The following MLLT10 variants were observed in gnomAD, a reference collection of about 807,000 sequenced individuals.
MLLT10 encodes MLLT10 histone lysine methyltransferase DOT1L cofactor.
A neutral mutation model predicts 129.1 loss-of-function variants in MLLT10; 30 were observed. That is an observed-to-expected ratio of 0.23 (90% confidence interval 0.17 to 0.32). MLLT10 has a LOEUF of 0.32. Among genes scored for constraint, MLLT10 ranks in the 10% least tolerant of loss-of-function variants. The probability of loss-of-function intolerance (pLI) is 1.00; values close to 1 mark genes in which losing one functional copy is unlikely to be tolerated. For synonymous variants in MLLT10, 490 were observed against 446.4 expected (o/e 1.10, Z -1.23); for missense variants, 1,119 against 1,268.3 (o/e 0.88, Z 1.79).
intron 11 of MLLT10, among the ~76,000 whole-genome samples, chr10:21,678,129 G>C (rs1487579120): frequency 6.6e-6 from 1 of 151,816 alleles, no homozygotes; most frequent in Non-Finnish European, 1.5e-5. Flanking sequence ...TTTTGAGCTG[G>C]AGTCTTGCTC....
intron 8 of MLLT10, among the ~76,000 whole-genome samples, chr10:21,629,347 T>C (rs1356046634): frequency 1.3e-5 from 2 of 152,196 alleles, no homozygotes; most frequent in Non-Finnish European, 2.9e-5. Flanking sequence ...TAAGAATAGA[T>C]AACATAACAT....
chr10:21,642,765 A>G (rs1161714765), intron 8 of MLLT10, among the ~76,000 whole-genome samples: 5 of 152,182 alleles, frequency 3.3e-5, no homozygotes, highest in Non-Finnish European at 7.3e-5. Context: ...AATTTCTCTT[A>G]ATTACCTTGG....
At chr10:21,547,808 G>T (rs555600528) in intron 3 of MLLT10, among the ~76,000 whole-genome samples, 1 of 152,222 alleles carries the variant, frequency 6.6e-6, no homozygotes, top group African/African-American at 2.4e-5. Flanking sequence ...CAAAGTGCTG[G>T]TATTACAGGC....
chr10:21,610,984 C>CTTTTTTTTTTTTTTTTTTTTTCTTT (rs71393913), intron 5 of MLLT10, among the ~76,000 whole-genome samples: 10 of 102,874 alleles, frequency 9.7e-5, no homozygotes, highest in African/African-American at 2.5e-4. Flanking sequence ...TCTTTTTTCT[C>CTTTTTTTTTTTTTTTTTTTTTCTTT]TTTTTTTTTT....
At chr10:21,584,776 TG>T (rs1266541481) in intron 3 of MLLT10, among the ~76,000 whole-genome samples, 1 of 151,844 alleles carries the variant, frequency 6.6e-6, no homozygotes, top group Non-Finnish European at 1.5e-5. Context: ...AAAGTATGTG[TG>T]TATGTGTGTA....
At chr10:21,642,584 G>T (rs1419341428) in intron 8 of MLLT10, among the ~76,000 whole-genome samples, 1 of 150,590 alleles carries the variant, frequency 6.6e-6, no homozygotes, top group East Asian at 1.9e-4. Flanking sequence ...TTGAGCCGGG[G>T]AGACGGAGGT....
At chr10:21,637,122 G>A (rs147691147) in intron 8 of MLLT10, among the ~76,000 whole-genome samples, 18 of 152,290 alleles carry the variant, frequency 1.2e-4, no homozygotes, top group Middle Eastern at 3.4e-3. Context: ...GTGCCTGTGG[G>A]TGGAGGCTTT....
At chr10:21,558,704 A>AT (rs1021442850) in intron 3 of MLLT10, among the ~76,000 whole-genome samples, 25 of 151,924 alleles carry the variant, frequency 1.6e-4, no homozygotes, top group African/African-American at 5.3e-4. Flanking sequence ...AAAAATTTTT[A>AT]TTTTTTTAAA....
At chr10:21,740,290 CGGA>C in intron 22 of MLLT10, 54 bp downstream of exon 22, 1 of 1,547,236 alleles carries the variant, frequency 6.5e-7, no homozygotes, top group Non-Finnish European at 8.9e-7. Flanking sequence ...ATTGATTAAT[CGGA>C]GATGATCATT....
intron 5 of MLLT10, among the ~76,000 whole-genome samples, chr10:21,597,093 T>A (rs1438239793): frequency 6.6e-6 from 1 of 152,164 alleles, no homozygotes; most frequent in Non-Finnish European, 1.5e-5. Flanking sequence ...CATTAAAACT[T>A]ACAAACAGGT....
In MLLT10 at chr10:21,730,926, G is replaced by A. The variant is rs142554860; in HGVS notation, c.2090G>A (p.Arg697His). The A allele has an allele frequency of 2.2e-3, 3,555 of 1,614,052 alleles. 13 individuals carry two copies. The highest frequency in any genetic ancestry group is 2.7e-3 in the Non-Finnish European group (3,215 of 1,180,000). The change falls in exon 17 of 23, where the codon CGC becomes CAC. Residue 697 changes from arginine (R) to histidine (H), a missense_variant. Coordinates refer to ENST00000307729, the MANE Select transcript of MLLT10 (RefSeq NM_001195626.3). ...TCCCCTGTAAGCAGCTTACAGATTCGCTATGATCAACCAGGCAACAGCAGT... is the reference window on the plus strand; with the variant it reads ...TCCCCTGTAAGCAGCTTACAGATTCACTATGATCAACCAGGCAACAGCAGT... ...PRSPVSSLQI[R>H]YDQPGNSSLE... is the part of the protein sequence containing the mutation.
chr10:21,729,371 G>A (rs1335918252), intron 16 of MLLT10, among the ~76,000 whole-genome samples: 1 of 151,854 alleles, frequency 6.6e-6, no homozygotes, highest in Non-Finnish European at 1.5e-5. Context: ...TTAACAAATG[G>A]TACTAAATTA....
At chr10:21,537,089 G>A (rs1829126896) in intron 2 of MLLT10, among the ~76,000 whole-genome samples, 1 of 151,966 alleles carries the variant, frequency 6.6e-6, no homozygotes, top group Admixed American at 6.6e-5. Flanking sequence ...CACCTGGCCT[G>A]GTCTCGAACT....
At chr10:21,628,919 T>C (rs892601483) in intron 8 of MLLT10, among the ~76,000 whole-genome samples, 8 of 151,792 alleles carry the variant, frequency 5.3e-5, no homozygotes, top group Non-Finnish European at 1.0e-4. Flanking sequence ...CGGCTAAGTT[T>C]TGTATTTTTA....
rs1589775273 is a variant in MLLT10 at position 21,713,846 on chromosome 10, T to G, written c.1774T>G (p.Ser592Ala). ...VSGSGSSTPV[S>A]SSHLPQQSSG... Reference sequence around the variant, plus strand: ...TGGCTCGGGATCTAGTACTCCTGTCTCCAGCTCTCACTTACCTCAGCAGTC... The same window carrying G: ...TGGCTCGGGATCTAGTACTCCTGTCGCCAGCTCTCACTTACCTCAGCAGTC... The change falls in exon 14 of 23, where the codon TCC becomes GCC. Residue 592 changes from serine to alanine, a missense_variant. By Grantham distance (99) the Ser-to-Ala change is moderately conservative (BLOSUM62 1). Around this residue, in one of 5 missense-constraint regions of MLLT10, gnomAD observed 1,004 missense variants for 1,008.7 expected, o/e 1.00. Coordinates refer to ENST00000307729, the MANE Select transcript of MLLT10 (RefSeq NM_001195626.3). 6.2e-7 allele frequency: 1 copy of G among 1,614,174 alleles called. No individual in the cohort carries two copies. Among genetic ancestry groups the G allele is most frequent in the Non-Finnish European group, 8.5e-7 (1 of 1,179,998 alleles).
intron 13 of MLLT10, among the ~76,000 whole-genome samples, chr10:21,690,791 A>G (rs1431317511): frequency 6.6e-6 from 1 of 152,140 alleles, no homozygotes; most frequent in Non-Finnish European, 1.5e-5. Context: ...CTTTCTAGAC[A>G]TGACTTTTGT....
chr10:21,562,805 C>CTTTTTTT (rs1564415882), intron 3 of MLLT10, among the ~76,000 whole-genome samples: 1 of 112,260 alleles, frequency 8.9e-6, no homozygotes. Context: ...CTTACATATA[C>CTTTTTTT]TTTGTTTTTT....
At chr10:21,666,733 G>C (rs2050845347) in intron 9 of MLLT10, among the ~76,000 whole-genome samples, 1 of 151,964 alleles carries the variant, frequency 6.6e-6, no homozygotes, top group Non-Finnish European at 1.5e-5. Flanking sequence ...TACTGTATTT[G>C]TCTGTTACTC....
intron 3 of MLLT10, among the ~76,000 whole-genome samples, chr10:21,549,734 A>G (rs540636042): frequency 7.9e-5 from 11 of 138,808 alleles, no homozygotes; most frequent in African/African-American, 2.5e-4. Context: ...GCGATCCTCT[A>G]CTTCCCGGGT....
Sources: allele counts gnomAD v4.1 joint callset (sites outside exome capture counted in the v4.1 genomes callset), GRCh38; gene constraint gnomAD v4.1.1; regional missense constraint gnomAD v4.1.1; transcripts MANE v1.5; gene names NCBI Gene and HGNC (gene_info 2026-07-23, HGNC 2026-07-21).